The following ENTREP2 variants were observed in gnomAD, a reference collection of about 807,000 sequenced individuals.
ENTREP2 encodes the protein endosomal transmembrane epsin interactor 2.
the ENTREP2 span, among the ~76,000 whole-genome samples, chr15:29,602,757 CCTT>C: frequency 6.6e-6 from 1 of 152,096 alleles, no homozygotes; most frequent in African/African-American, 2.4e-5. Context: ...CCTGGGAGCT[CCTT>C]AATGAGCCAA....
the ENTREP2 span, among the ~76,000 whole-genome samples, chr15:29,489,413 G>A: frequency 6.6e-6 from 1 of 152,206 alleles, no homozygotes. Context: ...GCCCTTGGGT[G>A]CAGACAGAAA....
chr15:29,657,521 C>T, the ENTREP2 span, among the ~76,000 whole-genome samples: 861 of 139,686 alleles, frequency 6.2e-3, 24 homozygotes, highest in African/African-American at 0.022. Flanking sequence ...CCCTTATTGT[C>T]CCCACCCATA....
the ENTREP2 span, chr15:29,121,175 A>G: frequency 0.77 from 116,920 of 151,984 alleles, 45,842 homozygotes; most frequent in Middle Eastern, 0.93. Context: ...TGAGGGGCCT[A>G]CAGGGAGGCA....
chr15:29,212,123 G>C, the ENTREP2 span, among the ~76,000 whole-genome samples: 1 of 151,918 alleles, frequency 6.6e-6, no homozygotes, highest in Admixed American at 6.6e-5. Context: ...TTTTTTGTTG[G>C]TAATTTTTAA....
At chr15:29,534,668 C>T in the ENTREP2 span, among the ~76,000 whole-genome samples, 4 of 152,166 alleles carry the variant, frequency 2.6e-5, no homozygotes, top group East Asian at 1.9e-4. Context: ...CTGGTACTCT[C>T]GGTCCACAGA....
chr15:29,672,332 C>T, the ENTREP2 span, among the ~76,000 whole-genome samples: 2 of 152,178 alleles, frequency 1.3e-5, no homozygotes, highest in Non-Finnish European at 2.9e-5. Context: ...CCCACAATGG[C>T]ATGTACAATT....
the ENTREP2 span, among the ~76,000 whole-genome samples, chr15:29,506,704 T>C: frequency 2.0e-5 from 3 of 152,142 alleles, no homozygotes; most frequent in Non-Finnish European, 4.4e-5. Context: ...GACAAGCAAA[T>C]GCTGAGGGAT....
At chr15:29,332,606 G>T in the ENTREP2 span, among the ~76,000 whole-genome samples, 35 of 152,126 alleles carry the variant, frequency 2.3e-4, no homozygotes, top group Non-Finnish European at 4.4e-5. Flanking sequence ...AGACAATAGT[G>T]CCCAATGCAT....
chr15:29,255,826 C>T, the ENTREP2 span, among the ~76,000 whole-genome samples: 196 of 151,916 alleles, frequency 1.3e-3, 7 homozygotes, highest in East Asian at 0.035. Context: ...ACGGTGAAAC[C>T]CTGTCTCTAC....
At chr15:29,579,300 G>A in the ENTREP2 span, among the ~76,000 whole-genome samples, 26 of 152,242 alleles carry the variant, frequency 1.7e-4, no homozygotes, top group South Asian at 1.9e-3. Flanking sequence ...TTTTGGTGTC[G>A]ATTATGTGAT....
the ENTREP2 span, among the ~76,000 whole-genome samples, chr15:29,240,930 G>A: frequency 5.3e-5 from 8 of 152,278 alleles, no homozygotes; most frequent in African/African-American, 1.9e-4. Context: ...TCATCATGCA[G>A]TCAGTATTAG....
At chr15:29,363,475 T>G in the ENTREP2 span, among the ~76,000 whole-genome samples, 1 of 152,176 alleles carries the variant, frequency 6.6e-6, no homozygotes, top group East Asian at 1.9e-4. Flanking sequence ...CAGGAAACAT[T>G]TCTGTAAGTG....
chr15:29,554,139 C>G, the ENTREP2 span, among the ~76,000 whole-genome samples: 1 of 151,856 alleles, frequency 6.6e-6, no homozygotes, highest in African/African-American at 2.4e-5. Flanking sequence ...ATGTTGAAAC[C>G]CCGTCTCTAC....
At chr15:29,366,969 G>A in the ENTREP2 span, among the ~76,000 whole-genome samples, 1 of 152,146 alleles carries the variant, frequency 6.6e-6, no homozygotes, top group Non-Finnish European at 1.5e-5. Context: ...GACCTTTAAA[G>A]ATATTTGGAG....
chr15:29,611,429 G>A, the ENTREP2 span, among the ~76,000 whole-genome samples: 1 of 151,674 alleles, frequency 6.6e-6, no homozygotes, highest in African/African-American at 2.4e-5. Flanking sequence ...AATTTTTTCT[G>A]CTCCTTGACA....
At chr15:29,601,285 C>T in the ENTREP2 span, among the ~76,000 whole-genome samples, 1,637 of 152,182 alleles carry the variant, frequency 0.011, 25 homozygotes, top group African/African-American at 0.037. Flanking sequence ...TGAAAAGGAA[C>T]AGTAAAACTG....
the ENTREP2 span, among the ~76,000 whole-genome samples, chr15:29,415,838 C>CTGAAAAA: frequency 1.5e-4 from 23 of 152,294 alleles, no homozygotes; most frequent in African/African-American, 5.3e-4. Context: ...AAATCACAAG[C>CTGAAAAA]ATTCTTATAC....
At chr15:29,581,945 T>A in the ENTREP2 span, among the ~76,000 whole-genome samples, 2 of 146,600 alleles carry the variant, frequency 1.4e-5, no homozygotes, top group Non-Finnish European at 3.0e-5. Flanking sequence ...TATGCTGGTT[T>A]TTTTTTTTTT....
At chr15:29,154,846 C>T in the ENTREP2 span, among the ~76,000 whole-genome samples, 28,410 of 152,228 alleles carry the variant, frequency 0.19, 4,855 homozygotes, top group African/African-American at 0.45. Context: ...AGTTCTCAAG[C>T]CCACACTGTG....
Sources: gnomAD v4.1 joint callset for allele counts (sites outside exome capture counted in the v4.1 genomes callset) on GRCh38, gnomAD v4.1.1 for gene constraint, MANE v1.5 for transcripts, NCBI Gene and HGNC (gene_info 2026-07-23, HGNC 2026-07-21) for gene names.